ENOX1: variants seen among roughly 807,000 people sequenced by gnomAD.
The protein encoded by ENOX1 is candidate growth-related and time keeping constitutive hydroquinone (NADH) oxidase.
Under a neutral mutation model 82.5 loss-of-function variants are expected in ENOX1, and 42 were observed. That is an observed-to-expected ratio of 0.51 (90% CI 0.40 to 0.66). The LOEUF (loss-of-function observed/expected upper bound fraction) is 0.66. Ranked by LOEUF, ENOX1 falls within the 30% of genes least tolerant of loss-of-function variation. The pLI is 0.00. For missense variants in ENOX1, 608 were observed against 811.6 expected (o/e 0.75, Z 3.05); for synonymous variants, 271 against 282.2 (o/e 0.96, Z 0.40).
chr13:43,733,082 A>G (rs2089434602), intron 1 of ENOX1, among the ~76,000 whole-genome samples: 1 of 152,196 alleles, frequency 6.6e-6, no homozygotes, highest in Non-Finnish European at 1.5e-5. Flanking sequence ...GTGAAGGATT[A>G]AACTCCCTTC....
chr13:43,644,929 A>AT, intron 2 of ENOX1, among the ~76,000 whole-genome samples: 1 of 152,282 alleles, frequency 6.6e-6, no homozygotes, highest in East Asian at 1.9e-4. Flanking sequence ...TATCTCATAG[A>AT]TTATACGAGT....
At chr13:43,454,798 T>C (rs2057144057) in intron 3 of ENOX1, among the ~76,000 whole-genome samples, 1 of 152,030 alleles carries the variant, frequency 6.6e-6, no homozygotes, top group Non-Finnish European at 1.5e-5. Context: ...TCATTAACCA[T>C]TCATGAACTA....
chr13:43,239,491 C>T (rs2042711491), intron 14 of ENOX1, among the ~76,000 whole-genome samples: 1 of 152,176 alleles, frequency 6.6e-6, no homozygotes, highest in Non-Finnish European at 1.5e-5. Context: ...ATAAACTGGC[C>T]TCAAGAATCT....
chr13:43,758,956 C>A (rs1343641874), intron 1 of ENOX1, among the ~76,000 whole-genome samples: 1 of 152,178 alleles, frequency 6.6e-6, no homozygotes, highest in South Asian at 2.1e-4. Flanking sequence ...GCAAGGCAGA[C>A]AGCAGTCTGA....
chr13:43,334,019 A>T (rs1258481856), intron 9 of ENOX1, among the ~76,000 whole-genome samples: 1 of 152,258 alleles, frequency 6.6e-6, no homozygotes, highest in Non-Finnish European at 1.5e-5. Context: ...CCCCTGGACC[A>T]GCATCATCAA....
intron 1 of ENOX1, among the ~76,000 whole-genome samples, chr13:43,728,888 A>G (rs2089155119): frequency 1.3e-5 from 2 of 152,214 alleles, no homozygotes; most frequent in South Asian, 4.1e-4. Flanking sequence ...GTTAAATGGC[A>G]AATCAAAATA....
intron 11 of ENOX1, among the ~76,000 whole-genome samples, chr13:43,315,494 T>C (rs1447279157): frequency 6.6e-6 from 1 of 152,196 alleles, no homozygotes; most frequent in Non-Finnish European, 1.5e-5. Context: ...ATAAAAAGCT[T>C]ACAAAGTTGC....
At chr13:43,527,154 G>A (rs1441632854) in intron 2 of ENOX1, among the ~76,000 whole-genome samples, 4 of 151,410 alleles carry the variant, frequency 2.6e-5, no homozygotes, top group South Asian at 2.1e-4. Context: ...TAAGACACAC[G>A]GCAAGACAGA....
chr13:43,657,129 A>T (rs965578164), intron 2 of ENOX1, among the ~76,000 whole-genome samples: 3 of 152,210 alleles, frequency 2.0e-5, no homozygotes, highest in Non-Finnish European at 4.4e-5. Context: ...TCATAAAAAC[A>T]AAGTTGAAAG....
At chr13:43,685,873 A>AACACACACACAC (rs60259011) in intron 1 of ENOX1, among the ~76,000 whole-genome samples, 1,615 of 141,492 alleles carry the variant, frequency 0.011, 22 homozygotes, top group Middle Eastern at 0.029. Context: ...CCCAGAAGGA[A>AACACACACACAC]ACACACACAC....
intron 1 of ENOX1, among the ~76,000 whole-genome samples, chr13:43,715,003 C>T (rs1200824748): frequency 6.6e-6 from 1 of 152,116 alleles, no homozygotes; most frequent in Admixed American, 6.6e-5. Context: ...TTCTTCCTAG[C>T]CTTGATGGTC....
chr13:43,488,979 G>A (rs1170069637), intron 2 of ENOX1, among the ~76,000 whole-genome samples: 3 of 152,170 alleles, frequency 2.0e-5, no homozygotes, highest in Non-Finnish European at 4.4e-5. Flanking sequence ...TGAGCATTTG[G>A]GAAATTTTCA....
intron 10 of ENOX1, among the ~76,000 whole-genome samples, 157 bp from the exon 11 acceptor site, chr13:43,322,658 G>A (rs376089708): frequency 1.1e-4 from 17 of 152,336 alleles, no homozygotes; most frequent in African/African-American, 3.8e-4. Context: ...TCTGAGGGGT[G>A]TGGGGTACAG....
At chr13:43,573,463 C>T (rs367700444) in intron 2 of ENOX1, among the ~76,000 whole-genome samples, 224 of 152,242 alleles carry the variant, frequency 1.5e-3, no homozygotes, top group African/African-American at 5.2e-3. Context: ...CCTTTAGATG[C>T]GTCCAAGACT....
chr13:43,572,040 T>C (rs2080207128), intron 2 of ENOX1, among the ~76,000 whole-genome samples: 1 of 152,080 alleles, frequency 6.6e-6, no homozygotes, highest in South Asian at 2.1e-4. Context: ...GGCAACTTAC[T>C]TATGAAGAGC....
intron 1 of ENOX1, among the ~76,000 whole-genome samples, chr13:43,715,876 C>T (rs577732062): frequency 1.1e-4 from 16 of 151,786 alleles, no homozygotes; most frequent in African/African-American, 3.1e-4. Context: ...GCATTCTTCA[C>T]GTAGTTCTCG....
intron 2 of ENOX1, among the ~76,000 whole-genome samples, chr13:43,648,800 C>A (rs1043345042): frequency 6.6e-6 from 1 of 152,136 alleles, no homozygotes; most frequent in Non-Finnish European, 1.5e-5. Context: ...ATCCCAGAGT[C>A]CCTGCATATC....
chr13:43,243,633 T>TAC (rs2042946305), intron 14 of ENOX1, among the ~76,000 whole-genome samples: 1 of 152,190 alleles, frequency 6.6e-6, no homozygotes, highest in Non-Finnish European at 1.5e-5. Flanking sequence ...ACCTCCTACT[T>TAC]TGTCTCTGCC....
intron 3 of ENOX1, among the ~76,000 whole-genome samples, chr13:43,470,353 T>TATATAC (rs2057986211): frequency 1.2e-4 from 6 of 50,184 alleles, no homozygotes; most frequent in East Asian, 6.7e-3. Flanking sequence ...TATATATATA[T>TATATAC]GTATATATAT....
Sources: gnomAD v4.1 joint callset for allele counts (sites outside exome capture counted in the v4.1 genomes callset) on GRCh38, gnomAD v4.1.1 for gene constraint, MANE v1.5 for transcripts, NCBI Gene and HGNC (gene_info 2026-07-23, HGNC 2026-07-21) for gene names.